The following CHODL variants were observed in gnomAD, a reference collection of about 807,000 sequenced individuals.
The protein encoded by CHODL is chondrolectin, also known as transmembrane protein MT75.
A neutral mutation model predicts 34.5 loss-of-function variants in CHODL; 29 were observed. The observed-to-expected ratio is 0.84, with a 90% CI of 0.63 to 1.15. The LOEUF (loss-of-function observed/expected upper bound fraction) is 1.15. Ranked by LOEUF, CHODL falls within the 50% of genes most tolerant of loss-of-function variation. The pLI is 0.00. For synonymous variants in CHODL, 125 were observed against 116.1 expected (o/e 1.08, Z -0.49); for missense variants, 332 against 332.5 (o/e 1.00, Z 0.01).
intron 2 of CHODL, among the ~76,000 whole-genome samples, chr21:18,028,784 A>C (rs952903391): frequency 6.6e-6 from 1 of 151,818 alleles, no homozygotes; most frequent in Non-Finnish European, 1.5e-5. Context: ...CATAATATAC[A>C]TCCAGCAAAT....
chr21:18,173,549 T>C (rs1373513572), intron 2 of CHODL, among the ~76,000 whole-genome samples: 2 of 152,200 alleles, frequency 1.3e-5, no homozygotes, highest in Admixed American at 6.5e-5. Context: ...TAATGCTCAG[T>C]GTGACAAGAG....
chr21:18,205,675 T>A (rs1348917868), intron 2 of CHODL, among the ~76,000 whole-genome samples: 1 of 152,058 alleles, frequency 6.6e-6, no homozygotes, highest in Non-Finnish European at 1.5e-5. Flanking sequence ...TCATTTGTTT[T>A]AAGAATTTTT....
At chr21:17,979,966 C>T (rs1332524009) in intron 1 of CHODL, among the ~76,000 whole-genome samples, 1 of 152,016 alleles carries the variant, frequency 6.6e-6, no homozygotes, top group African/African-American at 2.4e-5. Context: ...CAAAAATGTT[C>T]TATTCCATGA....
intron 2 of CHODL, among the ~76,000 whole-genome samples, chr21:18,159,730 G>T (rs1220337746): frequency 6.6e-6 from 1 of 152,156 alleles, no homozygotes; most frequent in African/African-American, 2.4e-5. Context: ...ATCTATAAGT[G>T]GGCCAAATCT....
intron 2 of CHODL, among the ~76,000 whole-genome samples, chr21:18,074,886 T>C (rs758122314): frequency 1.3e-5 from 2 of 152,110 alleles, no homozygotes; most frequent in African/African-American, 2.4e-5. Flanking sequence ...GGGGAGTTGA[T>C]ACATTTGCAG....
At chr21:17,978,733 G>GAAAAAAAAAAAA (rs34399713) in intron 1 of CHODL, among the ~76,000 whole-genome samples, 1 of 139,654 alleles carries the variant, frequency 7.2e-6, no homozygotes, top group Non-Finnish European at 1.6e-5. Context: ...GAAAAAAAAA[G>GAAAAAAAAAAAA]AAAAAAAAAA....
intron 1 of CHODL, among the ~76,000 whole-genome samples, chr21:17,926,026 C>T (rs947147025): frequency 6.6e-5 from 10 of 152,110 alleles, no homozygotes; most frequent in Non-Finnish European, 1.3e-4. Context: ...TTCCAATAAG[C>T]ATAATGAGAA....
At chr21:18,155,927 G>A (rs1440587805) in intron 2 of CHODL, among the ~76,000 whole-genome samples, 1 of 152,150 alleles carries the variant, frequency 6.6e-6, no homozygotes, top group Non-Finnish European at 1.5e-5. Context: ...TTTGCTAAAA[G>A]GAAATCCTGG....
rs193266002 is a variant in CHODL, at chr21:18,231,150, G to A, written c.-44-25359G>A. ...GCTTTTGAAGAAACCATCTTACTCA[G>A]CTTTTAAGTTGAAGAAAGAACTAGT... On this transcript the variant is annotated intron_variant, in intron 2 of 6. Coordinates refer to the CHODL transcript ENST00000400127. 9.9e-5 allele frequency among the ~76,000 whole-genome samples: 15 copies of A among 152,214 alleles called. No individual in the cohort carries two copies. The East Asian group carries it at 2.7e-3, about 27-fold the overall frequency.
intron 2 of CHODL, among the ~76,000 whole-genome samples, chr21:18,087,389 C>A (rs757756697): frequency 6.6e-6 from 1 of 152,010 alleles, no homozygotes; most frequent in Non-Finnish European, 1.5e-5. Flanking sequence ...GAGGTGCAGC[C>A]CAGTGTTAAA....
chr21:18,145,030 T>A (rs1391523557), intron 2 of CHODL, among the ~76,000 whole-genome samples: 1 of 73,440 alleles, frequency 1.4e-5, no homozygotes, highest in Non-Finnish European at 4.5e-5. Flanking sequence ...AAATCTAGAA[T>A]ATTAATCTTT....
rs150794910 is a variant in CHODL, at chr21:18,160,962, G to C, written c.-44-95547G>C. Among the ~76,000 whole-genome samples the C allele has an allele frequency of 5.2e-3, 785 of 152,262 alleles. 17 individuals are homozygous for C. The highest frequency in any genetic ancestry group is 0.047 in the East Asian group (246 of 5,182). On this transcript the variant is annotated intron_variant, in intron 2 of 6. Coordinates refer to the CHODL transcript ENST00000400127. ...ACATTCCCACCAACTGTGTATAAGT[G>C]TTCCTTTTTCTCCACAACCTTGCCA...
chr21:18,070,033 C>G (rs1418425113), intron 2 of CHODL, among the ~76,000 whole-genome samples: 2 of 107,034 alleles, frequency 1.9e-5, no homozygotes, highest in Admixed American at 9.8e-5. Context: ...CCTCCCCCCC[C>G]CCACCCATTT....
At chr21:18,048,832 TG>T (rs1303661906) in intron 2 of CHODL, among the ~76,000 whole-genome samples, 1 of 151,888 alleles carries the variant, frequency 6.6e-6, no homozygotes, top group Non-Finnish European at 1.5e-5. Flanking sequence ...TCCATCCTTC[TG>T]GGGGGCAGAA....
chr21:18,163,183 C>T (rs550227544), intron 2 of CHODL, among the ~76,000 whole-genome samples: 7 of 152,096 alleles, frequency 4.6e-5, no homozygotes, highest in African/African-American at 1.4e-4. Flanking sequence ...ATTTATTGAA[C>T]AATTGAATTA....
chr21:18,050,031 TA>T (rs1340008780), intron 2 of CHODL, among the ~76,000 whole-genome samples: 3 of 151,930 alleles, frequency 2.0e-5, no homozygotes, highest in African/African-American at 7.2e-5. Flanking sequence ...AGTTAAGAGT[TA>T]TGCAGACAAA....
At chr21:18,118,922 A>G (rs1332614378) in intron 2 of CHODL, among the ~76,000 whole-genome samples, 1 of 152,012 alleles carries the variant, frequency 6.6e-6, no homozygotes, top group Non-Finnish European at 1.5e-5. Flanking sequence ...TCTTCCTTCC[A>G]TCTCCTAGTT....
chr21:18,025,127 G>A (rs1340839149), intron 1 of CHODL, among the ~76,000 whole-genome samples: 2 of 152,068 alleles, frequency 1.3e-5, no homozygotes, highest in East Asian at 1.9e-4. Context: ...AGGTTCAGAA[G>A]TACTGAGTTT....
chr21:18,058,240 T>G (rs1296090009), intron 2 of CHODL, among the ~76,000 whole-genome samples: 5 of 152,160 alleles, frequency 3.3e-5, no homozygotes, highest in African/African-American at 1.2e-4. Flanking sequence ...GGAACTCTTA[T>G]ACACTGTTGA....
Sources: gnomAD v4.1 joint callset for allele counts (sites outside exome capture counted in the v4.1 genomes callset) on GRCh38, gnomAD v4.1.1 for gene constraint, MANE v1.5 for transcripts, NCBI Gene and HGNC (gene_info 2026-07-23, HGNC 2026-07-21) for gene names.